TAFA2: variants seen among roughly 807,000 people sequenced by gnomAD.
TAFA2 encodes the protein chemokine-like protein TAFA-2.
TAFA2 carries 7 observed loss-of-function variants against 18.8 expected under a neutral mutation model. The ratio of observed to expected loss-of-function variants is 0.37; its 90% CI spans 0.21 to 0.70. The LOEUF is 0.70. Ranked by LOEUF, TAFA2 falls within the 30% of genes least tolerant of loss-of-function variation. TAFA2 has a pLI of 0.53. For missense variants in TAFA2, 122 were observed against 158.1 expected (o/e 0.77, Z 1.23); for synonymous variants, 60 against 54.2 (o/e 1.11, Z -0.47).
intron 1 of TAFA2, among the ~76,000 whole-genome samples, chr12:62,026,223 G>T (rs1162305415): frequency 6.6e-6 from 1 of 152,114 alleles, no homozygotes; most frequent in Non-Finnish European, 1.5e-5. Flanking sequence ...TTGCTAAGGT[G>T]TTCCACTGGT....
intron 2 of TAFA2, among the ~76,000 whole-genome samples, chr12:61,771,241 T>A (rs1870010962): frequency 6.6e-6 from 1 of 151,910 alleles, no homozygotes; most frequent in Non-Finnish European, 1.5e-5. Context: ...GATCCCAAAT[T>A]TATAAAACAA....
chr12:61,710,285 G>A lies in TAFA2; in HGVS notation c.*121C>T. On this transcript the variant is annotated 3_prime_UTR_variant, in exon 5 of 5. Coordinates refer to ENST00000416284, the MANE Select transcript of TAFA2 (RefSeq NM_178539.5). Reference sequence around the variant, plus strand: ...GAGGCCATGAAATCCCTTGGAAATAGACTATTGAGCGCCTCTTTCAAGTGG... The same window carrying A: ...GAGGCCATGAAATCCCTTGGAAATAAACTATTGAGCGCCTCTTTCAAGTGG... 1 of 857,024 alleles carries A rather than the reference G, an allele frequency of 1.2e-6. No homozygotes were observed. The highest frequency in any genetic ancestry group is 1.7e-5 in the African/African-American group (1 of 58,958). The allele number at this position is 857,024 out of a possible 1,614,324, so 53.1% of individuals were successfully genotyped here.
chr12:61,974,730 C>G (rs945796873), intron 1 of TAFA2, among the ~76,000 whole-genome samples: 1 of 151,734 alleles, frequency 6.6e-6, no homozygotes, highest in African/African-American at 2.4e-5. Context: ...CTCAGGGACA[C>G]TACTATTTAA....
At chr12:62,166,743 T>C (rs2062443048) in intron 1 of TAFA2, among the ~76,000 whole-genome samples, 1 of 152,132 alleles carries the variant, frequency 6.6e-6, no homozygotes, top group East Asian at 1.9e-4. Context: ...AAGTTCCACA[T>C]AGTTAGAAGT....
chr12:62,166,543 C>T (rs558841167), intron 1 of TAFA2, among the ~76,000 whole-genome samples: 20 of 152,262 alleles, frequency 1.3e-4, no homozygotes, highest in Admixed American at 1.0e-3. Flanking sequence ...GCTTCCTTTC[C>T]CTTTTTTTCT....
intron 1 of TAFA2, among the ~76,000 whole-genome samples, chr12:61,975,081 T>C (rs914063571): frequency 6.6e-6 from 1 of 151,772 alleles, no homozygotes; most frequent in Non-Finnish European, 1.5e-5. Flanking sequence ...CATACACATA[T>C]GCATAGTGAA....
intron 2 of TAFA2, among the ~76,000 whole-genome samples, chr12:61,837,503 A>G (rs1872983367): frequency 1.3e-5 from 2 of 152,030 alleles, no homozygotes; most frequent in Admixed American, 1.3e-4. Context: ...TGTATTATAT[A>G]AGATCTATTA....
intron 1 of TAFA2, among the ~76,000 whole-genome samples, chr12:62,046,530 ATGAAGCTTTAAATGCCC>A (rs995804008): frequency 1.3e-5 from 2 of 152,152 alleles, no homozygotes; most frequent in Non-Finnish European, 2.9e-5. Context: ...ATATTTTTAA[ATGAAGCTTTAAATGCCC>A]TGATTTTGGC....
intron 1 of TAFA2, among the ~76,000 whole-genome samples, chr12:61,965,187 G>T (rs1199721875): frequency 6.6e-6 from 1 of 151,774 alleles, no homozygotes. Flanking sequence ...AGATCACAAG[G>T]GTAGAGTCCT....
chr12:61,721,377 G>C (rs750508211), intron 4 of TAFA2, among the ~76,000 whole-genome samples: 1 of 152,130 alleles, frequency 6.6e-6, no homozygotes, highest in African/African-American at 2.4e-5. Context: ...TAAAATATTT[G>C]TGATCTTAAC....
intron 1 of TAFA2, among the ~76,000 whole-genome samples, chr12:62,001,461 A>C (rs1373945297): frequency 2.6e-5 from 4 of 152,162 alleles, no homozygotes; most frequent in African/African-American, 9.7e-5. Context: ...CTGCAATTAG[A>C]TGGTCCCATC....
intron 1 of TAFA2, among the ~76,000 whole-genome samples, chr12:62,082,294 C>A (rs1351742349): frequency 6.6e-6 from 1 of 152,036 alleles, no homozygotes; most frequent in South Asian, 2.1e-4. Flanking sequence ...AATTATATTC[C>A]TTTGGGTATA....
Position 62,043,177 on chromosome 12 carries a change from G to A in TAFA2, c.-2+148082C>T, listed in dbSNP as rs578100613. Among the ~76,000 whole-genome samples, 9 of 151,926 alleles carry A rather than the reference G, an allele frequency of 5.9e-5. No individual in the cohort carries two copies. The South Asian group carries it at 8.3e-4, about 14-fold the overall frequency. ...TATTTTCATTTAATTAGTTTATTGCGGCACTATTCACACTAGCAAAGACTT... is the reference window on the plus strand; with the variant it reads ...TATTTTCATTTAATTAGTTTATTGCAGCACTATTCACACTAGCAAAGACTT... On this transcript the variant is annotated intron_variant, in intron 1 of 4. Coordinates refer to ENST00000416284, the MANE Select transcript of TAFA2 (RefSeq NM_178539.5).
chr12:62,209,263 T>A (rs143025410), intron 1 of TAFA2, among the ~76,000 whole-genome samples: 2 of 152,290 alleles, frequency 1.3e-5, no homozygotes, highest in East Asian at 3.9e-4. Flanking sequence ...TCCATGCCAT[T>A]CTCATAATAG....
chr12:61,961,909 C>A (rs970881623), intron 1 of TAFA2, among the ~76,000 whole-genome samples: 1 of 152,016 alleles, frequency 6.6e-6, no homozygotes, highest in Non-Finnish European at 1.5e-5. Flanking sequence ...ACTTTCTCCA[C>A]AAATAGGATA....
intron 1 of TAFA2, among the ~76,000 whole-genome samples, chr12:62,044,035 A>T (rs1260280359): frequency 6.6e-6 from 1 of 152,158 alleles, no homozygotes; most frequent in Non-Finnish European, 1.5e-5. Context: ...CAAGTGTTCT[A>T]CACAATCTGC....
chr12:62,230,219 G>A (rs1378613626), intron 1 of TAFA2, among the ~76,000 whole-genome samples: 1 of 149,172 alleles, frequency 6.7e-6, no homozygotes, highest in East Asian at 2.0e-4. Context: ...TTTCTTCTCT[G>A]ATCTTTGTTA....
chr12:61,924,865 T>C (rs999017018), intron 1 of TAFA2, among the ~76,000 whole-genome samples: 1 of 152,112 alleles, frequency 6.6e-6, no homozygotes, highest in Non-Finnish European at 1.5e-5. Context: ...AAGACACACA[T>C]AGGCTCAAAA....
intron 1 of TAFA2, among the ~76,000 whole-genome samples, chr12:62,106,070 C>T (rs1336803176): frequency 3.3e-5 from 5 of 152,092 alleles, no homozygotes; most frequent in Non-Finnish European, 5.9e-5. Flanking sequence ...CGGTGGCTCA[C>T]GCCTGTAATC....
Sources: allele counts gnomAD v4.1 joint callset (sites outside exome capture counted in the v4.1 genomes callset), GRCh38; gene constraint gnomAD v4.1.1; transcripts MANE v1.5; gene names NCBI Gene and HGNC (gene_info 2026-07-23, HGNC 2026-07-21).